The following BLTP3B variants were observed in gnomAD, a reference collection of about 807,000 sequenced individuals.
BLTP3B encodes bridge-like lipid transfer protein family member 3B.
At chr12:100,050,931 G>T in the BLTP3B span, 1 of 1,055,658 alleles carries the variant, frequency 9.5e-7, no homozygotes, top group Non-Finnish European at 1.3e-6. Context: ...TTGGGGGGAG[G>T]CATTTTCAAG....
chr12:100,101,484 G>C, the BLTP3B span, among the ~76,000 whole-genome samples: 4 of 152,142 alleles, frequency 2.6e-5, no homozygotes, highest in African/African-American at 9.6e-5. Flanking sequence ...GCTATTTTAC[G>C]CAATATGAGG....
At chr12:100,058,479 G>A in the BLTP3B span, 1 of 1,613,234 alleles carries the variant, frequency 6.2e-7, no homozygotes, top group Non-Finnish European at 8.5e-7. Context: ...AACACTCATA[G>A]ATCTGTTGTC....
chr12:100,095,088 T>C, the BLTP3B span, among the ~76,000 whole-genome samples: 1 of 152,218 alleles, frequency 6.6e-6, no homozygotes, highest in Admixed American at 6.5e-5. Flanking sequence ...TATAAAGACC[T>C]TGATGTACTG....
the BLTP3B span, chr12:100,037,832 G>A: frequency 7.7e-7 from 1 of 1,304,750 alleles, no homozygotes; most frequent in Admixed American, 2.7e-5. Context: ...AGTATCCAAA[G>A]GTATGACACT....
the BLTP3B span, chr12:100,088,937 A>C: frequency 6.3e-7 from 1 of 1,579,862 alleles, no homozygotes; most frequent in Non-Finnish European, 8.6e-7. Flanking sequence ...CATGAATGTC[A>C]TCACATATGT....
At chr12:100,059,839 TTGTA>T in the BLTP3B span, 1 of 1,599,094 alleles carries the variant, frequency 6.3e-7, no homozygotes, top group Non-Finnish European at 8.5e-7. Context: ...TACTACTTGT[TTGTA>T]TGATACCTTT....
chr12:100,058,025 T>A, the BLTP3B span: 1 of 1,551,036 alleles, frequency 6.4e-7, no homozygotes, highest in Non-Finnish European at 8.6e-7. Flanking sequence ...TAAAATGTTG[T>A]TACCTTAAAG....
At chr12:100,055,543 G>C in the BLTP3B span, among the ~76,000 whole-genome samples, 1 of 151,814 alleles carries the variant, frequency 6.6e-6, no homozygotes, top group East Asian at 1.9e-4. Flanking sequence ...TAGGCGTGGT[G>C]GTGGGTGCCT....
chr12:100,083,182 A>C, the BLTP3B span: 28 of 1,363,398 alleles, frequency 2.1e-5, no homozygotes, highest in African/African-American at 4.0e-4. Flanking sequence ...ATTATTTTTA[A>C]CAGTCACTCT....
At chr12:100,141,586 C>T in the BLTP3B span, among the ~76,000 whole-genome samples, 3 of 152,190 alleles carry the variant, frequency 2.0e-5, no homozygotes, top group Middle Eastern at 6.8e-3. Context: ...TGGTATAAGA[C>T]AATCTGGGGA....
At chr12:100,074,593 C>CA in the BLTP3B span, among the ~76,000 whole-genome samples, 2,847 of 69,552 alleles carry the variant, frequency 0.041, 70 homozygotes, top group African/African-American at 0.11. Context: ...GACTCTGTTT[C>CA]AAAAAAAAAA....
chr12:100,091,434 C>T, the BLTP3B span, among the ~76,000 whole-genome samples: 16 of 151,904 alleles, frequency 1.1e-4, no homozygotes, highest in South Asian at 6.2e-4. Context: ...GGGATCTGCC[C>T]GCCTTGGCCT....
At chr12:100,086,672 A>G in the BLTP3B span, among the ~76,000 whole-genome samples, 3 of 152,188 alleles carry the variant, frequency 2.0e-5, no homozygotes, top group Non-Finnish European at 4.4e-5. Flanking sequence ...ATTATTTTAA[A>G]TACTTTAGGT....
the BLTP3B span, among the ~76,000 whole-genome samples, chr12:100,090,225 G>A: frequency 6.6e-6 from 1 of 152,246 alleles, no homozygotes; most frequent in Non-Finnish European, 1.5e-5. Context: ...AAAAGATGTG[G>A]TATGTCCTTT....
the BLTP3B span, among the ~76,000 whole-genome samples, chr12:100,116,590 C>T: frequency 1.3e-5 from 2 of 152,048 alleles, no homozygotes; most frequent in Admixed American, 1.3e-4. Context: ...AAGAGAACTT[C>T]CCCAAAACTC....
At chr12:100,123,405 A>C in the BLTP3B span, among the ~76,000 whole-genome samples, 181 of 152,282 alleles carry the variant, frequency 1.2e-3, no homozygotes, top group African/African-American at 4.2e-3. Context: ...CTGCTCACAC[A>C]ACAATAATCA....
the BLTP3B span, chr12:100,039,889 T>A: frequency 1.9e-6 from 2 of 1,067,954 alleles, no homozygotes; most frequent in Non-Finnish European, 1.3e-6. Flanking sequence ...AATATCTATA[T>A]ATATTAGTTA....
the BLTP3B span, among the ~76,000 whole-genome samples, chr12:100,119,106 ATG>A: frequency 6.6e-5 from 10 of 152,160 alleles, no homozygotes; most frequent in Non-Finnish European, 1.5e-4. Flanking sequence ...TGTCTCAAAA[ATG>A]AAATAAAATA....
the BLTP3B span, among the ~76,000 whole-genome samples, chr12:100,069,073 A>G: frequency 6.6e-6 from 1 of 152,184 alleles, no homozygotes; most frequent in Non-Finnish European, 1.5e-5. Flanking sequence ...TTGTAAAAAT[A>G]CAAAAATTAG....
Sources: allele counts gnomAD v4.1 joint callset (sites outside exome capture counted in the v4.1 genomes callset), GRCh38; gene constraint gnomAD v4.1.1; transcripts MANE v1.5; gene names NCBI Gene and HGNC (gene_info 2026-07-23, HGNC 2026-07-21).